Variants in RYR2 observed in about 807,000 individuals in gnomAD.
The protein encoded by RYR2 is ryanodine receptor 2.
Under a neutral mutation model 601.1 loss-of-function variants are expected in RYR2, and 227 were observed. That is an observed-to-expected ratio of 0.38 (90% CI 0.34 to 0.42). RYR2 has a LOEUF of 0.42. Among genes scored for constraint, RYR2 ranks in the 10% least tolerant of loss-of-function variants. RYR2 has a pLI of 1.00. For synonymous variants in RYR2, 2,223 were observed against 2,175.1 expected, an observed-to-expected ratio of 1.02 and a Z score of -0.61; for missense variants, 4,646 against 6,156.5, an observed-to-expected ratio of 0.75 and a Z score of 8.21.
chr1:237,824,874 C>T (rs1455332977), intron 101 of RYR2, among the ~76,000 whole-genome samples: 2 of 152,064 alleles, frequency 1.3e-5, no homozygotes, highest in South Asian at 2.1e-4. Context: ...TCCTATACAC[C>T]AATAATAGAC....
rs141229901 is a variant in RYR2 at position 237,152,118 on chromosome 1, T to A, written c.48+109549T>A. 4.4e-4 allele frequency among the ~76,000 whole-genome samples: 67 copies of A among 152,256 alleles called. No individual in the cohort carries two copies. In the East Asian group the frequency reaches 0.012, roughly 27 times the overall value. On this transcript the variant is annotated intron_variant, in intron 1 of 104. Transcript: ENST00000366574. The stretch of plus-strand genomic sequence containing the variant: ...GAACATGCGGTGTTTGGTTTTCTGT[T>A]CCTGTGTTCGTTTGCTGAGGATGAT...
At chr1:237,664,076 C>T (rs1684060687) in intron 56 of RYR2, among the ~76,000 whole-genome samples, 1 of 152,236 alleles carries the variant, frequency 6.6e-6, no homozygotes, top group Non-Finnish European at 1.5e-5. Flanking sequence ...CAATTATTTA[C>T]TCCCAAATTC....
At chr1:237,317,947 A>G (rs913858798) in intron 2 of RYR2, among the ~76,000 whole-genome samples, 1 of 152,098 alleles carries the variant, frequency 6.6e-6, no homozygotes, top group African/African-American at 2.4e-5. Flanking sequence ...TAGAACATAC[A>G]TATTTTGTGT....
At chr1:237,468,982 A>G in intron 16 of RYR2, 110 bp from the exon 17 acceptor site, 1 of 746,422 alleles carries the variant, frequency 1.3e-6, no homozygotes, top group Non-Finnish European at 2.2e-6. Flanking sequence ...TTTTAGATGT[A>G]ACAGAGGATA....
In RYR2 at chr1:237,388,151, C is replaced by G. The variant is rs1189918475; in HGVS notation, c.741C>G (p.Val247=). The change falls in exon 10 of 105, where the codon GTC becomes GTG. Residue 247 remains valine, a synonymous_variant. Transcript: ENST00000366574. ...GACACATGGACGAGTGTCTCACTGTCCCTTCAGGAGAACATGGTGAAGAGC... is the reference window on the plus strand; with the variant it reads ...GACACATGGACGAGTGTCTCACTGTGCCTTCAGGAGAACATGGTGAAGAGC... ...LHGHMDECLT[V]PSGEHGEEQR... is the part of the protein sequence containing the mutation. 6.2e-7 allele frequency: 1 copy of G among 1,613,934 alleles called. No homozygotes were observed. The highest frequency in any genetic ancestry group is 2.2e-5 in the East Asian group (1 of 44,874).
chr1:237,107,092 G>T (rs1168837760), intron 1 of RYR2, among the ~76,000 whole-genome samples: 1 of 152,050 alleles, frequency 6.6e-6, no homozygotes, highest in Non-Finnish European at 1.5e-5. Flanking sequence ...GCTAAAGAAG[G>T]ATGAACCAAT....
rs372140254 is a variant in RYR2 at position 237,474,201 on chromosome 1, ATG to A, written c.1708+5032_1708+5033del. Among the ~76,000 whole-genome samples the A allele has an allele frequency of 8.2e-4, 116 of 141,240 alleles. 1 individual carries two copies. The highest frequency in any genetic ancestry group is 2.1e-3 in the African/African-American group (83 of 39,418). The allele number at this position is 141,240 out of a possible 152,430, so 92.7% of individuals were successfully genotyped here. A position where few individuals can be genotyped will look rare whatever the true frequency, so the allele number is the denominator to read the frequency against. On this transcript the variant is annotated intron_variant, in intron 17 of 104. Transcript: ENST00000366574. ...TAAATATGTATGTACGTGTGTATAT[ATG>A]TGTGTGTGTGTGTGTGTAGATCTAT...
At chr1:237,162,904 T>C (rs952961713) in intron 1 of RYR2, among the ~76,000 whole-genome samples, 1 of 152,126 alleles carries the variant, frequency 6.6e-6, no homozygotes, top group Non-Finnish European at 1.5e-5. Flanking sequence ...AAAGGGTGGC[T>C]ACTAAGCAAT....
At chr1:237,586,719 T>C (rs145371760) in intron 29 of RYR2, among the ~76,000 whole-genome samples, 18 of 149,556 alleles carry the variant, frequency 1.2e-4, no homozygotes, top group African/African-American at 4.2e-4. Context: ...TAACAACTTC[T>C]TTTTTTTTTC....
At chr1:237,200,454 G>A (rs1681068720) in intron 1 of RYR2, among the ~76,000 whole-genome samples, 2 of 151,996 alleles carry the variant, frequency 1.3e-5, no homozygotes, top group Admixed American at 6.6e-5. Flanking sequence ...TAGTAGAGAC[G>A]GTGTTGCACC....
At chr1:237,468,634 TA>T (rs1488893911) in intron 16 of RYR2, among the ~76,000 whole-genome samples, 14 of 152,372 alleles carry the variant, frequency 9.2e-5, no homozygotes, top group Non-Finnish European at 1.5e-5. Context: ...CTGTTAGAGT[TA>T]TAATTACTAG....
At chr1:237,576,937 A>G (rs1559054110) in intron 29 of RYR2, among the ~76,000 whole-genome samples, 1 of 152,150 alleles carries the variant, frequency 6.6e-6, no homozygotes, top group African/African-American at 2.4e-5. Flanking sequence ...CTGTTGGCAA[A>G]CATTTGTAAA....
At chr1:237,322,686 A>C (rs1175936011) in intron 2 of RYR2, among the ~76,000 whole-genome samples, 2 of 152,134 alleles carry the variant, frequency 1.3e-5, no homozygotes, top group Non-Finnish European at 2.9e-5. Context: ...CTGAGATATT[A>C]CTGCAAATAA....
Position 237,783,792 on chromosome 1 carries a change from C to T in RYR2, c.12080C>T (p.Thr4027Met), listed in dbSNP as rs777438565. The T allele has an allele frequency of 2.5e-6, 4 of 1,613,246 alleles. No homozygotes were observed. Among genetic ancestry groups the T allele is most frequent in the Non-Finnish European group, 3.4e-6 (4 of 1,179,638 alleles). Residue 4027 changes from threonine (T) to methionine (M), a missense_variant, in exon 90 of 105, where the codon ACG becomes ATG. Around this residue, in one of 17 missense-constraint regions of RYR2, gnomAD observed 66 missense variants for 80.7 expected, o/e 0.82. Coordinates refer to ENST00000366574, the MANE Select transcript of RYR2 (RefSeq NM_001035.3). The stretch of plus-strand genomic sequence containing the variant: ...ATGTTCTTAAAACTAAAGGATTTGA[C>T]GTCGTCTGATACTTTTAAAGAATAT... ...FDMFLKLKDLTSSDTFKEYDP... is the reference protein window; with the variant it reads ...FDMFLKLKDLMSSDTFKEYDP...
At chr1:237,518,043 C>T (rs1047942467) in intron 24 of RYR2, among the ~76,000 whole-genome samples, 3 of 152,084 alleles carry the variant, frequency 2.0e-5, no homozygotes, top group African/African-American at 7.2e-5. Context: ...ACATCCCTTC[C>T]CTTCACCCAT....
intron 35 of RYR2, among the ~76,000 whole-genome samples, chr1:237,603,700 A>C (rs1676773532): frequency 6.6e-6 from 1 of 152,212 alleles, no homozygotes; most frequent in South Asian, 2.1e-4. Flanking sequence ...GCAGAGACAC[A>C]CATATGCTCA....
intron 58 of RYR2, among the ~76,000 whole-genome samples, chr1:237,668,477 G>A (rs141671100): frequency 2.1e-4 from 32 of 152,262 alleles, no homozygotes; most frequent in African/African-American, 7.2e-4. Flanking sequence ...CTATGCTGAT[G>A]ATATCTTTCA....
At chr1:237,305,372 G>T (rs1343813853) in intron 2 of RYR2, among the ~76,000 whole-genome samples, 1 of 152,174 alleles carries the variant, frequency 6.6e-6, no homozygotes, top group Non-Finnish European at 1.5e-5. Context: ...AAGAATTACA[G>T]AAGAATATAC....
In RYR2 at chr1:237,625,878, T is replaced by C. The variant is rs1220189712; in HGVS notation, c.6166+74T>C. 7 of 1,522,302 alleles carry C rather than the reference T, an allele frequency of 4.6e-6. No homozygotes were observed. The Admixed American group carries it at 1.2e-4, about 25-fold the overall frequency. The allele number at this position is 1,522,302 out of a possible 1,614,324, so 94.3% of individuals were successfully genotyped here. On this transcript the variant is annotated intron_variant, in intron 40 of 104. Coordinates refer to ENST00000366574, the MANE Select transcript of RYR2 (RefSeq NM_001035.3). ...TAACTCATCCTTTGAACGAATGTTT[T>C]ACTGGATGAGCCAGTGAGATAATTG...
Sources: allele counts gnomAD v4.1 joint callset (sites outside exome capture counted in the v4.1 genomes callset), GRCh38; gene constraint gnomAD v4.1.1; regional missense constraint gnomAD v4.1.1; transcripts MANE v1.5; gene names NCBI Gene and HGNC (gene_info 2026-07-23, HGNC 2026-07-21).